Variants in MYH2 observed in about 807,000 individuals in gnomAD.
The protein encoded by MYH2 is myosin-2.
In MYH2, 139 loss-of-function variants were observed where a neutral mutation model predicts 228.1. The observed-to-expected ratio is 0.61, with a 90% CI of 0.53 to 0.70. MYH2 has a LOEUF of 0.70. MYH2 is among the 30% of genes least tolerant of loss of function. MYH2 has a pLI of 0.00. For synonymous variants in MYH2, 796 were observed against 871.1 expected, an observed-to-expected ratio of 0.91 and a Z score of 1.52; for missense variants, 1,809 against 2,357.5, an observed-to-expected ratio of 0.77 and a Z score of 4.82.
chr17:10,531,873 A>G lies in MYH2; in HGVS notation c.2457T>C (p.Cys819=). The change falls in exon 22 of 40, where the codon TGT becomes TGC. Residue 819 remains cysteine, a synonymous_variant. Coordinates refer to ENST00000245503, the MANE Select transcript of MYH2 (RefSeq NM_017534.6). Reference sequence around the variant, plus strand: ...TGAAGGATCTGATATTGTACTGGATACAGAAGATGGCCTCCCTGAAATTTA... The same window carrying G: ...TGAAGGATCTGATATTGTACTGGATGCAGAAGATGGCCTCCCTGAAATTTA... ...RMVERREAIF[C]IQYNIRSFMN... The G allele has an allele frequency of 1.2e-6, 2 of 1,614,122 alleles. No individual in the cohort carries two copies. Among genetic ancestry groups the G allele is most frequent in the Non-Finnish European group, 1.7e-6 (2 of 1,179,992 alleles).
At chr17:10,527,202 G>C in intron 28 of MYH2, 146 bp from the exon 29 acceptor site, 1 of 728,020 alleles carries the variant, frequency 1.4e-6, no homozygotes, top group Non-Finnish European at 2.4e-6. Flanking sequence ...GCTCAATGCA[G>C]GTTTTCAGTT....
intron 10 of MYH2, among the ~76,000 whole-genome samples, chr17:10,542,273 C>CAACA (rs71365774): frequency 0.056 from 8,381 of 150,994 alleles, 255 homozygotes; most frequent in South Asian, 0.12. Flanking sequence ...GACTCCATCT[C>CAACA]AACAAACAAA....
In MYH2 at chr17:10,528,940, G is replaced by T. The variant is rs1449334126; in HGVS notation, c.3494C>A (p.Ala1165Asp). ...RLEEAGGATS[A>D]QIEMNKKREA... is the part of the protein sequence containing the mutation. ...CCGCTTCTTGTTCATCTCAATCTGGGCTGAAGTGGCCCCACCGGCTTCTTC... is the reference window on the plus strand; with the variant it reads ...CCGCTTCTTGTTCATCTCAATCTGGTCTGAAGTGGCCCCACCGGCTTCTTC... Residue 1165 changes from alanine (A) to aspartate (D), a missense_variant, in exon 27 of 40, where the codon GCC becomes GAC. By Grantham distance (126) the Ala-to-Asp change is moderately radical. This residue lies in a region of MYH2 where 636 missense variants were observed against 729.9 expected (regional missense o/e 0.87). Transcript: ENST00000245503. 6.2e-7 allele frequency: 1 copy of T among 1,614,114 alleles called. No individual in the cohort carries two copies.
Position 10,537,916 on chromosome 17 carries a change from A to G in MYH2, c.1417-81T>C, listed in dbSNP as rs1186613496. On this transcript the variant is annotated intron_variant, in intron 14 of 39. Transcript: ENST00000245503. The surrounding 1 kb of genome is among the most constrained non-coding windows in gnomAD (Gnocchi z 4.0). ...TACAGAACTTTTCCATTTTAAAAAT[A>G]TGTGTCCAAGAGCCTTTATATTACA... 1 of 1,607,844 alleles carries G rather than the reference A, an allele frequency of 6.2e-7. No homozygotes were observed. The highest frequency in any genetic ancestry group is 8.5e-7 in the Non-Finnish European group (1 of 1,175,850).
Position 10,543,176 on chromosome 17 carries a change from T to C in MYH2, c.742-15A>G, listed in dbSNP as rs1406619515. 6.3e-7 allele frequency: 1 copy of C among 1,579,228 alleles called. No individual in the cohort carries two copies. Among genetic ancestry groups the C allele is most frequent in the Non-Finnish European group, 8.7e-7 (1 of 1,151,878 alleles). On this transcript the variant is annotated splice_polypyrimidine_tract_variant and intron_variant, in intron 8 of 39. Transcript: ENST00000245503. ...ATGAATTTACCCTTGAAATAAAAGC[T>C]AATATTACTACCTTTTTTTTATATA...
chr17:10,525,820 G>C lies in MYH2; in HGVS notation c.4244C>G (p.Ala1415Gly). The C allele has an allele frequency of 6.2e-7, 1 of 1,614,114 alleles. No homozygotes were observed. Among genetic ancestry groups the C allele is most frequent in the Non-Finnish European group, 8.5e-7 (1 of 1,180,016 alleles). ...AAEEHVEAVN[A>G]KCASLEKTKQ... is the part of the protein sequence containing the mutation. ...CGTCTTTTCGAGGGAAGCACATTTG[G>C]CGTTCACAGCTTCTACATGTTCCTC... is the stretch of plus-strand genomic sequence containing the variant. Residue 1415 changes from alanine to glycine, a missense_variant, in exon 31 of 40, where the codon GCC becomes GGC. Physicochemically the swap from Ala to Gly is moderately conservative, Grantham distance 60. Transcript: ENST00000245503. The surrounding 1 kb of genome is among the most constrained non-coding windows in gnomAD (Gnocchi z 4.2).
rs1034624770 is a variant in MYH2 at position 10,525,510 on chromosome 17, G to T, written c.4478C>A (p.Ala1493Asp). The T allele has an allele frequency of 1.2e-6, 2 of 1,613,944 alleles. No individual in the cohort carries two copies. Among genetic ancestry groups the T allele is most frequent in the Non-Finnish European group, 8.5e-7 (1 of 1,180,022 alleles). Residue 1493 changes from alanine to aspartate, a missense_variant, in exon 32 of 40, where the codon GCC becomes GAC. Ala to Asp is a moderately radical substitution (Grantham distance 126). Around this residue, in one of 9 missense-constraint regions of MYH2, gnomAD observed 636 missense variants for 729.9 expected, o/e 0.87. Coordinates refer to ENST00000245503, the MANE Select transcript of MYH2 (RefSeq NM_017534.6). The surrounding 1 kb of genome is among the most constrained non-coding windows in gnomAD (Gnocchi z 4.2). ...TAGCTGATCCAAAGATTCCTCATAG[G>T]CATTCTTTATCTTGAACAGCTCAGT... ...LGTELFKIKN[A>D]YEESLDQLET...
Position 10,527,002 on chromosome 17 carries a change from CT to C in MYH2, c.3925del (p.Arg1309GlufsTer13), listed in dbSNP as rs1246018796. ...CTGTTGAGTAAAGGCTTGTTTGCCT[CT>C]TGATAACTGAGACACCAGAGCTTCC... ...EKEALVSQLSRGKQAFTQQIE... is the reference protein window; with the variant it reads ...EKEALVSQLSXGKQAFTQQIE... On this transcript the variant is annotated frameshift_variant, in exon 29 of 40. Transcript: ENST00000245503. LOFTEE classifies it high-confidence loss of function. The C allele has an allele frequency of 6.2e-7, 1 of 1,614,186 alleles. No individual in the cohort carries two copies. The highest frequency in any genetic ancestry group is 1.1e-5 in the South Asian group (1 of 91,082).
intron 1 of MYH2, 71 bp downstream of exon 1, chr17:10,549,565 T>C (rs1339427834): frequency 6.6e-6 from 1 of 152,258 alleles, no homozygotes; most frequent in African/African-American, 2.4e-5. Context: ...GTACCAGAAC[T>C]AGCAGCTGCT....
At position 10,543,714 on chromosome 17, in the gene MYH2, G is replaced by A. The variant is rs1268294937; in HGVS notation, c.738C>T (p.Arg246=). ...AKTVRNDNSS[R]FGKFIRIHFG... is the part of the protein sequence containing the mutation. Reference sequence around the variant, plus strand: ...TTAGCGTGTCCAAGAGACTTACAAAGCGAGAGGAGTTGTCATTCCTCACGG... The same window carrying A: ...TTAGCGTGTCCAAGAGACTTACAAAACGAGAGGAGTTGTCATTCCTCACGG... The change falls in exon 8 of 40, where the codon CGC becomes CGT. Residue 246 remains arginine (R), a synonymous_variant. Transcript: ENST00000245503. 3.1e-6 allele frequency: 5 copies of A among 1,614,008 alleles called. No homozygotes were observed. The African/African-American group carries it at 6.7e-5, about 22-fold the overall frequency.
rs1164422323 is a variant in MYH2 at position 10,547,493 on chromosome 17, A to G, written c.330T>C (p.Tyr110=). The stretch of plus-strand genomic sequence containing the variant: ...CACTCACGTAGATCATCCAGGCTGC[A>G]TAACGTTCTTTGAGGTTGTACAGCA... ...PAVLYNLKER[Y]AAWMIYTYSG... is the part of the protein sequence containing the mutation. The change falls in exon 4 of 40, where the codon TAT becomes TAC. Residue 110 remains tyrosine, a synonymous_variant. Transcript: ENST00000245503. 2.5e-6 allele frequency: 4 copies of G among 1,614,086 alleles called. No homozygotes were observed. The highest frequency in any genetic ancestry group is 3.4e-6 in the Non-Finnish European group (4 of 1,180,036).
rs752127308 is a variant in MYH2 at position 10,537,843 on chromosome 17, A to G, written c.1417-8T>C. ...CTGCTCCAGGCTGTTGAACTAAATAAATAGATATGTTTACTTCTCTCTTAA... is the reference window on the plus strand; with the variant it reads ...CTGCTCCAGGCTGTTGAACTAAATAGATAGATATGTTTACTTCTCTCTTAA... On this transcript the variant is annotated splice_region_variant and splice_polypyrimidine_tract_variant and intron_variant, in intron 14 of 39. Transcript: ENST00000245503. The surrounding 1 kb of genome is among the most constrained non-coding windows in gnomAD (Gnocchi z 4.0). 6.2e-7 allele frequency: 1 copy of G among 1,614,098 alleles called. No individual in the cohort carries two copies. Among genetic ancestry groups the G allele is most frequent in the East Asian group, 2.2e-5 (1 of 44,904 alleles).
At position 10,531,620 on chromosome 17, in the gene MYH2, T is replaced by C. The variant is rs762079526; in HGVS notation, c.2697+13A>G. 6.2e-7 allele frequency: 1 copy of C among 1,614,206 alleles called. No individual in the cohort carries two copies. The highest frequency in any genetic ancestry group is 8.5e-7 in the Non-Finnish European group (1 of 1,180,024). On this transcript the variant is annotated intron_variant, in intron 22 of 39. Coordinates refer to ENST00000245503, the MANE Select transcript of MYH2 (RefSeq NM_017534.6). ...TCCTGGTTAGTGATACCAAGGGTGA[T>C]ATTCCAACTCACAGCCTGAACTTGG...
chr17:10,527,082 T>C lies in MYH2; in HGVS notation c.3872-26A>G, dbSNP rs1303596323. 4 of 1,591,518 alleles carry C rather than the reference T, an allele frequency of 2.5e-6. 1 individual carries two copies. Among genetic ancestry groups the C allele is most frequent in the Non-Finnish European group, 2.6e-6 (3 of 1,159,506 alleles). ...CTGATGGACAAAAGAAATGGCACCA[T>C]TTTTTAGGTGAAAAACAAGATTCTG... On this transcript the variant is annotated intron_variant, in intron 28 of 39. Coordinates refer to ENST00000245503, the MANE Select transcript of MYH2 (RefSeq NM_017534.6).
intron 22 of MYH2, among the ~76,000 whole-genome samples, chr17:10,530,588 A>C (rs946044578): frequency 1.3e-5 from 2 of 152,162 alleles, no homozygotes; most frequent in Admixed American, 1.3e-4. Flanking sequence ...ACTAAATTCA[A>C]GTTGAAACAT....
At position 10,525,541 on chromosome 17, in the gene MYH2, G is replaced by A; in HGVS notation, c.4447C>T (p.Leu1483Phe). ...LEASQKEARSLGTELFKIKNA... is the reference protein window; with the variant it reads ...LEASQKEARSFGTELFKIKNA... ...TTTATCTTGAACAGCTCAGTGCCAAGGGAACGGGCCTCCTTCTGGGAGGCC... is the reference window on the plus strand; with the variant it reads ...TTTATCTTGAACAGCTCAGTGCCAAAGGAACGGGCCTCCTTCTGGGAGGCC... Residue 1483 changes from leucine to phenylalanine, a missense_variant, in exon 32 of 40, where the codon CTT (leucine) becomes TTT (phenylalanine). By Grantham distance (22) the Leu-to-Phe change is conservative. Transcript: ENST00000245503. The surrounding 1 kb of genome is among the most constrained non-coding windows in gnomAD (Gnocchi z 4.2). The A allele has an allele frequency of 6.2e-7, 1 of 1,614,200 alleles. No homozygotes were observed. The highest frequency in any genetic ancestry group is 8.5e-7 in the Non-Finnish European group (1 of 1,180,040).
intron 5 of MYH2, among the ~76,000 whole-genome samples, chr17:10,544,589 A>G (rs890186719): frequency 3.3e-5 from 5 of 152,236 alleles, no homozygotes; most frequent in Non-Finnish European, 7.3e-5. Flanking sequence ...AGCATTAGAG[A>G]TATTTTTAAT....
At chr17:10,531,565 C>A in intron 22 of MYH2, 68 bp downstream of exon 22, 1 of 1,609,518 alleles carries the variant, frequency 6.2e-7, no homozygotes, top group Non-Finnish European at 8.5e-7. Flanking sequence ...CAACTCATGG[C>A]CCACAATGGC....
chr17:10,525,151 C>A lies in MYH2; in HGVS notation c.4662+73G>T. The A allele has an allele frequency of 6.2e-7, 1 of 1,613,820 alleles. No individual in the cohort carries two copies. The highest frequency in any genetic ancestry group is 8.5e-7 in the Non-Finnish European group (1 of 1,179,916). ...ACAGCAATAATTTTGTGCTATGTGT[C>A]TTTTTATTCACTCTATGCAGATGTA... On this transcript the variant is annotated intron_variant, in intron 33 of 39. Transcript: ENST00000245503. The surrounding 1 kb of genome is among the most constrained non-coding windows in gnomAD (Gnocchi z 4.2).
Sources: gnomAD v4.1 joint callset for allele counts (sites outside exome capture counted in the v4.1 genomes callset) on GRCh38, gnomAD v4.1.1 for gene constraint, gnomAD v4.1.1 regional missense constraint, Gnocchi (gnomAD v3.1) non-coding constraint, MANE v1.5 for transcripts, NCBI Gene and HGNC (gene_info 2026-07-23, HGNC 2026-07-21) for gene names.